CA12: variants seen among roughly 807,000 people sequenced by gnomAD.
The protein encoded by CA12 is carbonate dehydratase XII.
Under a neutral mutation model 46.8 loss-of-function variants are expected in CA12, and 36 were observed. The observed-to-expected ratio is 0.77, with a 90% CI of 0.59 to 1.02. The LOEUF is 1.02. Ranked by LOEUF, CA12 falls within the 50% of genes least tolerant of loss-of-function variation. The probability of loss-of-function intolerance (pLI) is 0.00; values close to 1 mark genes in which losing one functional copy is unlikely to be tolerated. For missense variants in CA12, 436 were observed against 451.4 expected, an observed-to-expected ratio of 0.97 and a Z score of 0.31; for synonymous variants, 202 against 187.0, an observed-to-expected ratio of 1.08 and a Z score of -0.65.
At chr15:63,358,165 G>A (rs1295726069) in intron 2 of CA12, among the ~76,000 whole-genome samples, 4 of 152,202 alleles carry the variant, frequency 2.6e-5, no homozygotes, top group East Asian at 3.8e-4. Context: ...GTTATTGACC[G>A]AAATAAAATG....
At chr15:63,349,184 G>A (rs1026502217) in intron 2 of CA12, among the ~76,000 whole-genome samples, 1 of 152,184 alleles carries the variant, frequency 6.6e-6, no homozygotes, top group African/African-American at 2.4e-5. Flanking sequence ...GATGGGATGT[G>A]TGTGGAAGCT....
intron 4 of CA12, among the ~76,000 whole-genome samples, chr15:63,342,583 T>G (rs1230988471): frequency 6.6e-6 from 1 of 152,182 alleles, no homozygotes; most frequent in Non-Finnish European, 1.5e-5. Flanking sequence ...TCTGTGTTGA[T>G]GTTAATGAAT....
chr15:63,333,323 A>T (rs927313536), intron 8 of CA12, among the ~76,000 whole-genome samples: 1 of 152,236 alleles, frequency 6.6e-6, no homozygotes, highest in Admixed American at 6.5e-5. Flanking sequence ...TTTCCTGAAC[A>T]TAGTCTGCCC....
Position 63,330,937 on chromosome 15 carries a change from T to C in CA12, c.875-2807A>G, listed in dbSNP as rs542590470. On this transcript the variant is annotated intron_variant, in intron 8 of 10. Transcript: ENST00000178638. This position sits in a 1 kb window ranked among gnomAD's most constrained non-coding sequence, Gnocchi z 4.0. ...AGAAAGGCCCAGAGACTGGGACAGA[T>C]ACTTTTCAGCCAAGACTTTGATACA... Among the ~76,000 whole-genome samples, 1 of 152,316 alleles carries C rather than the reference T, an allele frequency of 6.6e-6. No individual in the cohort carries two copies. Among genetic ancestry groups the C allele is most frequent in the East Asian group, 1.9e-4 (1 of 5,178 alleles).
chr15:63,349,582 AT>A (rs2152619445), intron 2 of CA12, among the ~76,000 whole-genome samples: 1 of 152,332 alleles, frequency 6.6e-6, no homozygotes, highest in Non-Finnish European at 1.5e-5. Flanking sequence ...TTATAACTCT[AT>A]AACCTTACGG....
rs373399898 is a variant in CA12 at position 63,336,490 on chromosome 15, C to T, written c.874+2329G>A. ...TTGGCAGTTGTTAGTGTCCACTTAA[C>T]CATCACAACATATTAGCACCGAAAG... On this transcript the variant is annotated intron_variant, in intron 8 of 10. Transcript: ENST00000178638. 2.0e-5 allele frequency among the ~76,000 whole-genome samples: 3 copies of T among 151,116 alleles called. No homozygotes were observed. The South Asian group carries it at 6.3e-4, about 32-fold the overall frequency.
At position 63,326,034 on chromosome 15, in the gene CA12, C is replaced by T. The variant is rs2038861269; in HGVS notation, c.*251G>A. ...GAATTCAGACCACTTCACAATCTCA[C>T]ACAGTTACAGCAAGCAGCTTTGAAT... On this transcript the variant is annotated 3_prime_UTR_variant, in exon 11 of 11. Transcript: ENST00000178638. 2.1e-5 allele frequency: 11 copies of T among 525,758 alleles called. 2 individuals carry two copies. In the South Asian group the frequency reaches 2.3e-4, roughly 11 times the overall value. 32.6% of individuals were successfully genotyped at this position (525,758 alleles called of 1,614,324 possible).
rs890623516 is a variant in CA12, at chr15:63,327,591, C to G, written c.908-358G>C. 1.3e-5 allele frequency among the ~76,000 whole-genome samples: 2 copies of G among 151,210 alleles called. No individual in the cohort carries two copies. The highest frequency in any genetic ancestry group is 4.9e-5 in the African/African-American group (2 of 41,094). Reference sequence around the variant, plus strand: ...GAATCTGCATTTTGCCAAATACTTACAGCTGATACTGATGCACGTGGTCCA... The same window carrying G: ...GAATCTGCATTTTGCCAAATACTTAGAGCTGATACTGATGCACGTGGTCCA... On this transcript the variant is annotated intron_variant, in intron 9 of 10. Coordinates refer to ENST00000178638, the MANE Select transcript of CA12 (RefSeq NM_001218.5). The surrounding 1 kb of genome is among the most constrained non-coding windows in gnomAD (Gnocchi z 4.5).
chr15:63,364,339 A>AAAAAC lies in CA12; in HGVS notation c.106+11318_106+11319insGTTTT, dbSNP rs928154165. Among the ~76,000 whole-genome samples, 49 of 142,782 alleles carry AAAAAC rather than the reference A, an allele frequency of 3.4e-4. 2 individuals carry two copies. The highest frequency in any genetic ancestry group is 7.1e-4 in the Admixed American group (10 of 13,996). The allele number at this position is 142,782 out of a possible 152,430, so 93.7% of individuals were successfully genotyped here. ...AGTGAAACCCCGTCACTAGAAAAAAAAAAAAAAAAAAAAAAACAGTGGGAC... is the reference window on the plus strand; with the variant it reads ...AGTGAAACCCCGTCACTAGAAAAAAAAAAACAAAAAAAAAAAAAAAACAGTGGGAC... On this transcript the variant is annotated intron_variant, in intron 2 of 10. Coordinates refer to ENST00000178638, the MANE Select transcript of CA12 (RefSeq NM_001218.5).
In CA12 at chr15:63,326,169, T is replaced by A. The variant is rs535563753; in HGVS notation, c.*116A>T. The A allele has an allele frequency of 1.2e-6, 1 of 826,210 alleles. No individual in the cohort carries two copies. 51.2% of individuals were successfully genotyped at this position (826,210 alleles called of 1,614,324 possible). On this transcript the variant is annotated 3_prime_UTR_variant, in exon 11 of 11. Coordinates refer to ENST00000178638, the MANE Select transcript of CA12 (RefSeq NM_001218.5). ...AGCAGAGGATCCCTGAGGCCTGGCA[T>A]GTTTGCAGATTGAGCTACAGAGAAC...
Position 63,381,643 on chromosome 15 carries a change from T to G in CA12, c.78A>C (p.Pro26=). The G allele has an allele frequency of 6.2e-7, 1 of 1,611,218 alleles. No individual in the cohort carries two copies. The highest frequency in any genetic ancestry group is 8.5e-7 in the Non-Finnish European group (1 of 1,178,728). The change falls in exon 1 of 11, where the codon CCA becomes CCC. Residue 26 remains proline (P), a synonymous_variant. Coordinates refer to ENST00000178638, the MANE Select transcript of CA12 (RefSeq NM_001218.5). ...AGCAGGCGGAAACTTTACCGTTCAC[T>G]GGGGCCGGGCTGGAAGGCTGTTCCT... ...ILKEQPSSPA[P]VNGSKWTYFG...
chr15:63,337,152 G>A (rs2039014177), intron 8 of CA12, among the ~76,000 whole-genome samples: 1 of 152,192 alleles, frequency 6.6e-6, no homozygotes, highest in South Asian at 2.1e-4. Flanking sequence ...TTTTCCAACT[G>A]AGAAACTGAG....
Position 63,340,342 on chromosome 15 carries a change from G to C in CA12, c.693C>G (p.Asn231Lys). The C allele has an allele frequency of 6.2e-7, 1 of 1,614,180 alleles. No homozygotes were observed. The highest frequency in any genetic ancestry group is 8.5e-7 in the Non-Finnish European group (1 of 1,180,038). The stretch of plus-strand genomic sequence containing the variant: ...GGAAAACTGTCCAGAGCACAGTGGG[G>C]TTGCAAGGGGGTGTGGTCAGGGACC... ...YRGSLTTPPCNPTVLWTVFRN... is the reference protein window; with the variant it reads ...YRGSLTTPPCKPTVLWTVFRN... The change falls in exon 7 of 11, where the codon AAC becomes AAG. Residue 231 changes from asparagine to lysine, a missense_variant. Physicochemically the swap from Asn to Lys is moderately conservative, Grantham distance 94. Transcript: ENST00000178638. The surrounding 1 kb of genome is among the most constrained non-coding windows in gnomAD (Gnocchi z 4.4).
At position 63,340,023 on chromosome 15, in the gene CA12, A is replaced by G. The variant is rs1438338665; in HGVS notation, c.747+265T>C. 1.1e-5 allele frequency: 5 copies of G among 475,934 alleles called. No individual in the cohort carries two copies. Among genetic ancestry groups the G allele is most frequent in the African/African-American group, 2.0e-5 (1 of 50,914 alleles). The allele number at this position is 475,934 out of a possible 1,614,324, so 29.5% of individuals were successfully genotyped here. ...CCTGGGAAGTGAATACCACCCAGCC[A>G]CTGAGGATATATTAGCAAATGCAGA... On this transcript the variant is annotated intron_variant, in intron 7 of 10. Coordinates refer to ENST00000178638, the MANE Select transcript of CA12 (RefSeq NM_001218.5). This position sits in a 1 kb window ranked among gnomAD's most constrained non-coding sequence, Gnocchi z 4.4.
chr15:63,375,203 C>A (rs562291133), intron 2 of CA12, among the ~76,000 whole-genome samples: 5 of 152,362 alleles, frequency 3.3e-5, no homozygotes, highest in African/African-American at 9.6e-5. Context: ...ATCACGGCAA[C>A]AAGAAGTTAA....
rs2039143992 is a variant in CA12, at chr15:63,346,103, G to A, written c.286+427C>T. Among the ~76,000 whole-genome samples, 4 of 152,188 alleles carry A rather than the reference G, an allele frequency of 2.6e-5. No homozygotes were observed. In the South Asian group the frequency reaches 8.3e-4, roughly 32 times the overall value. ...CCATTTCCAGATGGAAGCTCAAGGA[G>A]ACTAAAATTCTCACCTAGATTCTCA... On this transcript the variant is annotated intron_variant, in intron 3 of 10. Transcript: ENST00000178638.
Position 63,348,957 on chromosome 15 carries a change from G to T in CA12, c.107-2248C>A, listed in dbSNP as rs528072610. 6.6e-6 allele frequency among the ~76,000 whole-genome samples: 1 copy of T among 152,300 alleles called. No homozygotes were observed. The highest frequency in any genetic ancestry group is 1.5e-5 in the Non-Finnish European group (1 of 68,030). The stretch of plus-strand genomic sequence containing the variant: ...TTTATTGGAAGTTAGGACCAAATAA[G>T]GTATTTGGGGGGCAGGAAAGACTAA... On this transcript the variant is annotated intron_variant, in intron 2 of 10. Transcript: ENST00000178638. This position sits in a 1 kb window ranked among gnomAD's most constrained non-coding sequence, Gnocchi z 4.6.
chr15:63,334,781 C>T (rs1305969277), intron 8 of CA12, among the ~76,000 whole-genome samples: 1 of 152,170 alleles, frequency 6.6e-6, no homozygotes, highest in South Asian at 2.1e-4. Context: ...TAAGGGTGCA[C>T]AGTTCTCTCT....
chr15:63,327,261 A>G lies in CA12; in HGVS notation c.908-28T>C. The G allele has an allele frequency of 6.3e-7, 1 of 1,585,928 alleles. No individual in the cohort carries two copies. Among genetic ancestry groups the G allele is most frequent in the Non-Finnish European group, 8.6e-7 (1 of 1,156,286 alleles). ...GGTGAAGAGGTAGAGGGCACACATT[A>G]CATTCCTTCCTTCCCCTCCATCTTA... On this transcript the variant is annotated intron_variant, in intron 9 of 10. Coordinates refer to ENST00000178638, the MANE Select transcript of CA12 (RefSeq NM_001218.5). This position sits in a 1 kb window ranked among gnomAD's most constrained non-coding sequence, Gnocchi z 4.5.
Sources: allele counts gnomAD v4.1 joint callset (sites outside exome capture counted in the v4.1 genomes callset), GRCh38; gene constraint gnomAD v4.1.1; non-coding constraint Gnocchi (gnomAD v3.1); transcripts MANE v1.5; gene names NCBI Gene and HGNC (gene_info 2026-07-23, HGNC 2026-07-21).